TMEM163: variants seen among roughly 807,000 people sequenced by gnomAD.
TMEM163 encodes transmembrane protein 163.
A neutral mutation model predicts 29.3 loss-of-function variants in TMEM163; 17 were observed. That is an observed-to-expected ratio of 0.58 (90% CI 0.40 to 0.87). The LOEUF is 0.87. Ranked by LOEUF, TMEM163 falls within the 40% of genes least tolerant of loss-of-function variation. The probability of loss-of-function intolerance (pLI) is 0.00; values close to 1 mark genes in which losing one functional copy is unlikely to be tolerated. For synonymous variants in TMEM163, 157 were observed against 160.6 expected, an observed-to-expected ratio of 0.98 and a Z score of 0.17; for missense variants, 303 against 381.5, an observed-to-expected ratio of 0.79 and a Z score of 1.71.
intron 4 of TMEM163, among the ~76,000 whole-genome samples, chr2:134,512,749 A>G (rs1679977969): frequency 6.6e-6 from 1 of 152,232 alleles, no homozygotes; most frequent in African/African-American, 2.4e-5. Context: ...CAGATCATAT[A>G]AGGTCTTAGA....
intron 2 of TMEM163, among the ~76,000 whole-genome samples, chr2:134,594,461 A>C (rs552715792): frequency 6.6e-6 from 1 of 152,318 alleles, no homozygotes; most frequent in African/African-American, 2.4e-5. Flanking sequence ...ATTTCAAAAA[A>C]AAATGTCATT....
chr2:134,485,562 T>G (rs62168978), intron 5 of TMEM163, among the ~76,000 whole-genome samples: 3,661 of 152,290 alleles, frequency 0.024, 66 homozygotes, highest in Non-Finnish European at 0.039. Context: ...AAGCTGAAGC[T>G]GCTGCCCGAG....
chr2:134,544,950 T>C (rs1680747458), intron 4 of TMEM163, among the ~76,000 whole-genome samples: 1 of 152,146 alleles, frequency 6.6e-6, no homozygotes, highest in Admixed American at 6.5e-5. Context: ...CTGGTTGTCA[T>C]AAAATGTGTC....
At chr2:134,639,148 G>C (rs1415163413) in intron 2 of TMEM163, among the ~76,000 whole-genome samples, 1 of 152,190 alleles carries the variant, frequency 6.6e-6, no homozygotes, top group East Asian at 1.9e-4. Flanking sequence ...AGCAAAGGAA[G>C]TAAGACTAGA....
intron 2 of TMEM163, among the ~76,000 whole-genome samples, chr2:134,628,342 A>C (rs569462636): frequency 6.6e-6 from 1 of 152,364 alleles, no homozygotes; most frequent in African/African-American, 2.4e-5. Flanking sequence ...TCCCAAAGAA[A>C]GGCCTCCTTT....
At chr2:134,559,718 T>G (rs1191041680) in intron 2 of TMEM163, among the ~76,000 whole-genome samples, 2 of 152,062 alleles carry the variant, frequency 1.3e-5, no homozygotes, top group African/African-American at 4.8e-5. Flanking sequence ...ACACCCACAA[T>G]AACCTATAAA....
At chr2:134,692,991 GT>G (rs929801019) in intron 2 of TMEM163, among the ~76,000 whole-genome samples, 1 of 152,020 alleles carries the variant, frequency 6.6e-6, no homozygotes, top group African/African-American at 2.4e-5. Context: ...CCAGTTGCAG[GT>G]TTCCAACTGA....
intron 2 of TMEM163, among the ~76,000 whole-genome samples, chr2:134,638,404 T>A (rs1683153615): frequency 6.6e-6 from 1 of 152,146 alleles, no homozygotes; most frequent in African/African-American, 2.4e-5. Context: ...AGGGCATGCA[T>A]CATTGAAAGC....
chr2:134,567,690 T>C (rs1681326929), intron 2 of TMEM163, among the ~76,000 whole-genome samples: 1 of 152,134 alleles, frequency 6.6e-6, no homozygotes, highest in African/African-American at 2.4e-5. Context: ...AAACTCCATC[T>C]CAAATAATAA....
At chr2:134,549,934 C>T (rs983504513) in intron 4 of TMEM163, among the ~76,000 whole-genome samples, 3 of 152,008 alleles carry the variant, frequency 2.0e-5, no homozygotes, top group Non-Finnish European at 4.4e-5. Flanking sequence ...CTTTTCCAGA[C>T]GAGGGAATGA....
intron 2 of TMEM163, among the ~76,000 whole-genome samples, chr2:134,668,336 G>A (rs1271166092): frequency 6.6e-6 from 1 of 152,118 alleles, no homozygotes; most frequent in Non-Finnish European, 1.5e-5. Flanking sequence ...TTGAGGGGCT[G>A]GAAGGGGAAG....
chr2:134,504,703 G>A (rs1679781437), intron 4 of TMEM163, among the ~76,000 whole-genome samples: 1 of 152,318 alleles, frequency 6.6e-6, no homozygotes, highest in East Asian at 1.9e-4. Flanking sequence ...AATGCTGTGA[G>A]CAACGTGGCC....
intron 2 of TMEM163, among the ~76,000 whole-genome samples, chr2:134,559,533 T>C (rs1277243720): frequency 6.6e-6 from 1 of 152,220 alleles, no homozygotes; most frequent in African/African-American, 2.4e-5. Context: ...CCATGGGCAC[T>C]GGCCTGCCAC....
chr2:134,706,359 G>C (rs1684811719), intron 2 of TMEM163, among the ~76,000 whole-genome samples: 1 of 152,118 alleles, frequency 6.6e-6, no homozygotes, highest in South Asian at 2.1e-4. Flanking sequence ...CAGGGAGGCG[G>C]CAAAACTGAC....
chr2:134,637,235 G>A (rs1037630902), intron 2 of TMEM163, among the ~76,000 whole-genome samples: 15 of 152,136 alleles, frequency 9.9e-5, no homozygotes, highest in East Asian at 1.9e-4. Flanking sequence ...TTCTCCCCAC[G>A]GCTGCATGGG....
chr2:134,674,476 T>C lies in TMEM163; in HGVS notation c.322+38724A>G, dbSNP rs1248106531. Among the ~76,000 whole-genome samples, 5 of 146,342 alleles carry C rather than the reference T, an allele frequency of 3.4e-5. No homozygotes were observed. In the East Asian group the frequency reaches 6.8e-4, roughly 20 times the overall value. On this transcript the variant is annotated intron_variant, in intron 2 of 7. Transcript: ENST00000281924. ...CCCCTGCCTCAGCCTCCCAAGTAGC[T>C]GGGACTACAGGCGCGCGCGCGCGCG...
At chr2:134,565,623 AC>A (rs2104780705) in intron 2 of TMEM163, among the ~76,000 whole-genome samples, 1 of 152,106 alleles carries the variant, frequency 6.6e-6, no homozygotes, top group East Asian at 1.9e-4. Flanking sequence ...AAAAAAAAAA[AC>A]CATACATACA....
At chr2:134,506,822 G>A (rs867615016) in intron 4 of TMEM163, among the ~76,000 whole-genome samples, 9 of 152,334 alleles carry the variant, frequency 5.9e-5, no homozygotes, top group Middle Eastern at 6.8e-3. Flanking sequence ...GACCAGAGAC[G>A]GGTGGGGGCC....
chr2:134,710,955 A>T lies in TMEM163; in HGVS notation c.322+2245T>A, dbSNP rs78811699. 6.8e-3 allele frequency among the ~76,000 whole-genome samples: 1,042 copies of T among 152,318 alleles called. 8 individuals are homozygous for T. The highest frequency in any genetic ancestry group is 0.024 in the African/African-American group (1,000 of 41,568). Reference sequence around the variant, plus strand: ...TCACTGGTTTGGACAGAGATGCAGGAAGTCAGAGCATTGCGTTTCATCCAT... The same window carrying T: ...TCACTGGTTTGGACAGAGATGCAGGTAGTCAGAGCATTGCGTTTCATCCAT... On this transcript the variant is annotated intron_variant, in intron 2 of 7. Transcript: ENST00000281924.
Sources: allele counts gnomAD v4.1 joint callset (sites outside exome capture counted in the v4.1 genomes callset), GRCh38; gene constraint gnomAD v4.1.1; transcripts MANE v1.5; gene names NCBI Gene and HGNC (gene_info 2026-07-23, HGNC 2026-07-21).